Variants in NFATC2 observed in about 807,000 individuals in gnomAD.
NFATC2 encodes nuclear factor of activated T cells 2, also known as nuclear factor of activated T-cells, cytoplasmic 2.
A neutral mutation model predicts 87.3 loss-of-function variants in NFATC2; 22 were observed. The ratio of observed to expected loss-of-function variants is 0.25; its 90% CI spans 0.18 to 0.36. The LOEUF is 0.36. NFATC2 is among the 10% of genes least tolerant of loss of function. The pLI is 1.00. For missense variants in NFATC2, 1,149 were observed against 1,259.1 expected (o/e 0.91, Z 1.32); for synonymous variants, 565 against 542.2 (o/e 1.04, Z -0.58).
intron 10 of NFATC2, among the ~76,000 whole-genome samples, chr20:51,394,383 C>G (rs1171187850): frequency 3.3e-5 from 5 of 151,776 alleles, no homozygotes; most frequent in Non-Finnish European, 7.4e-5. Flanking sequence ...CTCTGTCTGT[C>G]CCCCCTCAGC....
At chr20:51,438,671 C>T (rs754469440) in intron 6 of NFATC2, among the ~76,000 whole-genome samples, 10 of 152,220 alleles carry the variant, frequency 6.6e-5, no homozygotes, top group Admixed American at 2.6e-4. Flanking sequence ...CTGTCCTCTC[C>T]GGGTCAAGGG....
intron 3 of NFATC2, among the ~76,000 whole-genome samples, chr20:51,507,152 T>A (rs1367192556): frequency 6.6e-6 from 1 of 152,178 alleles, no homozygotes; most frequent in Admixed American, 6.5e-5. Flanking sequence ...GAGTGAAAGA[T>A]AAGAACCCAG....
At chr20:51,506,105 T>C (rs947458216) in intron 3 of NFATC2, among the ~76,000 whole-genome samples, 1 of 152,226 alleles carries the variant, frequency 6.6e-6, no homozygotes, top group African/African-American at 2.4e-5. Flanking sequence ...GCCACTCAGC[T>C]TCTCCGAGCC....
At chr20:51,556,243 C>G (rs1183233478) in intron 1 of NFATC2, among the ~76,000 whole-genome samples, 1 of 152,168 alleles carries the variant, frequency 6.6e-6, no homozygotes, top group African/African-American at 2.4e-5. Context: ...AAACTTCCGG[C>G]CTCTAGAACT....
At chr20:51,464,740 A>C in intron 5 of NFATC2, among the ~76,000 whole-genome samples, 1 of 152,210 alleles carries the variant, frequency 6.6e-6, no homozygotes, top group Non-Finnish European at 1.5e-5. Flanking sequence ...CTGATTTATA[A>C]TGAGATGATG....
chr20:51,556,327 C>T (rs1283154777), intron 1 of NFATC2, among the ~76,000 whole-genome samples: 1 of 152,182 alleles, frequency 6.6e-6, no homozygotes, highest in Non-Finnish European at 1.5e-5. Context: ...CTGGAAACTA[C>T]TACACCCACC....
At chr20:51,542,147 C>T (rs1224623025) in intron 1 of NFATC2, among the ~76,000 whole-genome samples, 5 of 152,172 alleles carry the variant, frequency 3.3e-5, no homozygotes, top group Non-Finnish European at 7.4e-5. Flanking sequence ...CAGTCATGAG[C>T]AACCAGAAAC....
At chr20:51,398,767 A>G (rs765558566) in intron 9 of NFATC2, 37 bp from the exon 10 acceptor site, 6 of 1,411,686 alleles carry the variant, frequency 4.3e-6, no homozygotes, top group Non-Finnish European at 6.0e-6. Context: ...TGAGAAGAAA[A>G]AAAAAAATCA....
intron 3 of NFATC2, among the ~76,000 whole-genome samples, chr20:51,477,502 T>C (rs1481141821): frequency 4.9e-5 from 7 of 141,720 alleles, no homozygotes; most frequent in Non-Finnish European, 7.6e-5. Flanking sequence ...TATATATATA[T>C]ACACATATAT....
chr20:51,398,442 G>A (rs1027929574), intron 10 of NFATC2, among the ~76,000 whole-genome samples: 12 of 151,946 alleles, frequency 7.9e-5, no homozygotes, highest in African/African-American at 9.7e-5. Flanking sequence ...CCCTTCTCCC[G>A]CCCAACCCTG....
chr20:51,474,961 T>C (rs1369224979), intron 4 of NFATC2, among the ~76,000 whole-genome samples: 2 of 149,326 alleles, frequency 1.3e-5, no homozygotes, highest in Admixed American at 1.3e-4. Context: ...TGACATATTA[T>C]ACTTTATTTA....
chr20:51,431,399 C>A (rs1982680684), intron 9 of NFATC2, among the ~76,000 whole-genome samples: 1 of 152,136 alleles, frequency 6.6e-6, no homozygotes, highest in South Asian at 2.1e-4. Flanking sequence ...GACCCCTTGC[C>A]CACAAACGGG....
intron 5 of NFATC2, among the ~76,000 whole-genome samples, chr20:51,455,961 T>G (rs1986466009): frequency 2.0e-5 from 1 of 50,986 alleles, no homozygotes; most frequent in African/African-American, 8.2e-5. Flanking sequence ...AGTGGATGGG[T>G]GGGTGGGTGG....
intron 10 of NFATC2, among the ~76,000 whole-genome samples, chr20:51,392,514 GT>G (rs1212579476): frequency 4.5e-4 from 68 of 152,306 alleles, no homozygotes; most frequent in African/African-American, 1.6e-3. Flanking sequence ...AAAGAAGAAG[GT>G]GCTATTGGTG....
At chr20:51,430,269 A>G (rs1446231307) in intron 9 of NFATC2, among the ~76,000 whole-genome samples, 1 of 152,174 alleles carries the variant, frequency 6.6e-6, no homozygotes, top group Non-Finnish European at 1.5e-5. Context: ...CTCTTCTCCA[A>G]TACAATCGAT....
Position 51,480,214 on chromosome 20 carries a change from G to A in NFATC2, c.1333-4554C>T, listed in dbSNP as rs540190315. Among the ~76,000 whole-genome samples, 3 of 152,234 alleles carry A rather than the reference G, an allele frequency of 2.0e-5. No homozygotes were observed. The highest frequency in any genetic ancestry group is 2.1e-4 in the South Asian group (1 of 4,812). Reference sequence around the variant, plus strand: ...AAGGCAGGAGAATCACTTGAACCCGGGGGTTGGAGGTGGCAGTGAGCCGAT... The same window carrying A: ...AAGGCAGGAGAATCACTTGAACCCGAGGGTTGGAGGTGGCAGTGAGCCGAT... On this transcript the variant is annotated intron_variant, in intron 3 of 10. Transcript: ENST00000371564. The surrounding 1 kb of genome is among the most constrained non-coding windows in gnomAD (Gnocchi z 4.2).
chr20:51,450,826 C>T (rs1217988216), intron 6 of NFATC2, among the ~76,000 whole-genome samples: 1 of 152,206 alleles, frequency 6.6e-6, no homozygotes, highest in Admixed American at 6.5e-5. Context: ...GCCAACTTTT[C>T]ACAGCTGAAA....
rs1014297305 is a variant in NFATC2, at chr20:51,473,990, G to A, written c.1698C>T (p.Pro566=). 3.1e-6 allele frequency: 5 copies of A among 1,613,514 alleles called. No individual in the cohort carries two copies. Among genetic ancestry groups the A allele is most frequent in the Non-Finnish European group, 3.4e-6 (4 of 1,179,652 alleles). Residue 566 remains proline (P), a synonymous_variant, in exon 5 of 11, where the codon CCC becomes CCT. Coordinates refer to ENST00000371564, the MANE Select transcript of NFATC2 (RefSeq NM_012340.5). The stretch of plus-strand genomic sequence containing the variant: ...CAGGGCCCAACTTACAGCACTCGAT[G>A]GGGTTAGATGCAGTCTGTAAAGAGA... ...RIVSLQTASN[P]IECSQRSAHE...
chr20:51,560,588 G>T (rs1456454882), intron 1 of NFATC2, among the ~76,000 whole-genome samples: 1 of 152,162 alleles, frequency 6.6e-6, no homozygotes, highest in Non-Finnish European at 1.5e-5. Flanking sequence ...ACCGTGCAGG[G>T]CATAGTGGGA....
Sources: allele counts gnomAD v4.1 joint callset (sites outside exome capture counted in the v4.1 genomes callset), GRCh38; gene constraint gnomAD v4.1.1; non-coding constraint Gnocchi (gnomAD v3.1); transcripts MANE v1.5; gene names NCBI Gene and HGNC (gene_info 2026-07-23, HGNC 2026-07-21).